Variants in ENTREP2 observed in about 807,000 individuals in gnomAD.
ENTREP2 encodes endosomal transmembrane epsin interactor 2.
chr15:29,632,039 C>T, the ENTREP2 span, among the ~76,000 whole-genome samples: 1 of 152,208 alleles, frequency 6.6e-6, no homozygotes, highest in Non-Finnish European at 1.5e-5. Flanking sequence ...CTGTGGGCTG[C>T]CCATTTCCCT....
At chr15:29,233,703 G>A in the ENTREP2 span, 1 of 1,254,630 alleles carries the variant, frequency 8.0e-7, no homozygotes, top group Non-Finnish European at 1.2e-6. Context: ...CACGCACTCT[G>A]TTGCTCATCA....
chr15:29,295,361 C>G, the ENTREP2 span, among the ~76,000 whole-genome samples: 1 of 152,156 alleles, frequency 6.6e-6, no homozygotes, highest in Admixed American at 6.5e-5. Context: ...CCTGGTCACT[C>G]CCAGGAAGCC....
chr15:29,625,509 C>A, the ENTREP2 span, among the ~76,000 whole-genome samples: 1 of 152,072 alleles, frequency 6.6e-6, no homozygotes, highest in South Asian at 2.1e-4. Context: ...AGTTCTCCTG[C>A]CTCAGCCTCC....
chr15:29,508,317 G>A, the ENTREP2 span, among the ~76,000 whole-genome samples: 1 of 152,118 alleles, frequency 6.6e-6, no homozygotes, highest in African/African-American at 2.4e-5. Flanking sequence ...TTCTACCAGA[G>A]GCACAAAGAG....
At chr15:29,537,263 C>G in the ENTREP2 span, among the ~76,000 whole-genome samples, 1 of 152,254 alleles carries the variant, frequency 6.6e-6, no homozygotes, top group African/African-American at 2.4e-5. Context: ...CTAGAGTCCA[C>G]GCACCGCTTT....
the ENTREP2 span, chr15:29,376,965 T>A: frequency 6.6e-6 from 1 of 152,254 alleles, no homozygotes; most frequent in African/African-American, 2.4e-5. Context: ...CCAAAACTGC[T>A]TCTTCTCACT....
the ENTREP2 span, chr15:29,196,395 G>A: frequency 6.5e-7 from 1 of 1,545,290 alleles, no homozygotes; most frequent in East Asian, 2.5e-5. Context: ...GGCATGGAAT[G>A]AAATGCATGC....
At chr15:29,629,954 T>C in the ENTREP2 span, among the ~76,000 whole-genome samples, 3 of 151,914 alleles carry the variant, frequency 2.0e-5, no homozygotes, top group African/African-American at 7.3e-5. Flanking sequence ...CCATCTCTAC[T>C]AAAAATACAA....
chr15:29,262,786 G>T, the ENTREP2 span, among the ~76,000 whole-genome samples: 8 of 152,330 alleles, frequency 5.3e-5, no homozygotes, highest in East Asian at 1.5e-3. Flanking sequence ...AGTTCCAGAG[G>T]CCTGGACTTG....
chr15:29,232,310 G>A, the ENTREP2 span, among the ~76,000 whole-genome samples: 26 of 152,138 alleles, frequency 1.7e-4, no homozygotes, highest in Admixed American at 7.2e-4. Context: ...CACCAAATAA[G>A]TACTACAGCA....
the ENTREP2 span, among the ~76,000 whole-genome samples, chr15:29,331,025 T>C: frequency 6.6e-6 from 1 of 152,200 alleles, no homozygotes; most frequent in African/African-American, 2.4e-5. Flanking sequence ...TCAGGGGCTG[T>C]GTCCCCACTA....
chr15:29,381,134 G>GCCA, the ENTREP2 span, among the ~76,000 whole-genome samples: 149,558 of 149,560 alleles, frequency 1, 74,778 homozygotes, highest in Non-Finnish European at 1. Context: ...ACAGGCGTCA[G>GCCA]CTGCGCCAAG....
the ENTREP2 span, among the ~76,000 whole-genome samples, chr15:29,369,634 T>C: frequency 6.6e-6 from 1 of 152,146 alleles, no homozygotes; most frequent in Admixed American, 6.5e-5. Flanking sequence ...CACGAGCGTG[T>C]GCAAAACTAG....
chr15:29,290,337 C>T, the ENTREP2 span, among the ~76,000 whole-genome samples: 9 of 152,210 alleles, frequency 5.9e-5, no homozygotes, highest in African/African-American at 2.2e-4. Flanking sequence ...GAAAGTTCTT[C>T]CCCTGCAGAA....
chr15:29,631,372 G>A, the ENTREP2 span, among the ~76,000 whole-genome samples: 1 of 152,168 alleles, frequency 6.6e-6, no homozygotes, highest in Non-Finnish European at 1.5e-5. Flanking sequence ...AAGACTCAGG[G>A]TCTGTCTTCT....
chr15:29,319,949 A>C, the ENTREP2 span, among the ~76,000 whole-genome samples: 1 of 152,164 alleles, frequency 6.6e-6, no homozygotes, highest in Non-Finnish European at 1.5e-5. Flanking sequence ...CAGGGTTAAG[A>C]GCCCTGATGG....
chr15:29,210,753 T>C, the ENTREP2 span, among the ~76,000 whole-genome samples: 64,968 of 151,998 alleles, frequency 0.43, 14,206 homozygotes, highest in East Asian at 0.6. Flanking sequence ...CTGGGTAGCA[T>C]GGCCCTTCCT....
chr15:29,598,087 A>G, the ENTREP2 span, among the ~76,000 whole-genome samples: 1 of 151,828 alleles, frequency 6.6e-6, no homozygotes, highest in Non-Finnish European at 1.5e-5. Flanking sequence ...CACACCACGC[A>G]CTCTAGCCGG....
chr15:29,234,526 T>C, the ENTREP2 span: 2 of 1,373,726 alleles, frequency 1.5e-6, no homozygotes, highest in African/African-American at 2.9e-5. Flanking sequence ...CAAGGTAATA[T>C]GGTATTGGTG....
Sources: allele counts gnomAD v4.1 joint callset (sites outside exome capture counted in the v4.1 genomes callset), GRCh38; gene constraint gnomAD v4.1.1; transcripts MANE v1.5; gene names NCBI Gene and HGNC (gene_info 2026-07-23, HGNC 2026-07-21).